LDLRAD4: variants seen among roughly 807,000 people sequenced by gnomAD.
The protein encoded by LDLRAD4 is low-density lipoprotein receptor class A domain-containing protein 4.
Under a neutral mutation model 17.0 loss-of-function variants are expected in LDLRAD4, and 5 were observed. The observed-to-expected ratio is 0.29, with a 90% CI of 0.15 to 0.62. The LOEUF (loss-of-function observed/expected upper bound fraction) is 0.62, where lower values mean the gene tolerates loss of function less well. Among genes scored for constraint, LDLRAD4 ranks in the 20% least tolerant of loss-of-function variants. The probability of loss-of-function intolerance (pLI) is 0.84; values close to 1 mark genes in which losing one functional copy is unlikely to be tolerated. For missense variants in LDLRAD4, 340 were observed against 424.7 expected (o/e 0.80, Z 1.75); for synonymous variants, 168 against 171.8 (o/e 0.98, Z 0.17).
At chr18:13,590,708 T>C (rs909707636) in intron 3 of LDLRAD4, among the ~76,000 whole-genome samples, 1 of 152,246 alleles carries the variant, frequency 6.6e-6, no homozygotes, top group Admixed American at 6.5e-5. Flanking sequence ...TGCCCTTGAC[T>C]GATTCATTCT....
At chr18:13,492,895 T>C (rs2093387972) in intron 3 of LDLRAD4, among the ~76,000 whole-genome samples, 1 of 152,124 alleles carries the variant, frequency 6.6e-6, no homozygotes, top group Non-Finnish European at 1.5e-5. Flanking sequence ...TTTGGGAGGC[T>C]GAGGTGGGAG....
chr18:13,326,182 C>T (rs545949048), intron 1 of LDLRAD4, among the ~76,000 whole-genome samples: 2 of 152,180 alleles, frequency 1.3e-5, no homozygotes, highest in African/African-American at 4.8e-5. Context: ...TGGAAAAATA[C>T]CAGCCACAGA....
chr18:13,422,760 A>G (rs1453784691), intron 2 of LDLRAD4, among the ~76,000 whole-genome samples: 2 of 152,238 alleles, frequency 1.3e-5, no homozygotes, highest in African/African-American at 4.8e-5. Flanking sequence ...CTTTCTGTTT[A>G]TCTCTCTGCA....
intron 1 of LDLRAD4, among the ~76,000 whole-genome samples, chr18:13,244,152 T>C: frequency 1.3e-5 from 1 of 74,098 alleles, no homozygotes; most frequent in African/African-American, 6.1e-5. Flanking sequence ...ACCCATTCTT[T>C]CCTCTATCCA....
chr18:13,540,107 A>G (rs1171309161), intron 3 of LDLRAD4, among the ~76,000 whole-genome samples: 1 of 152,246 alleles, frequency 6.6e-6, no homozygotes, highest in African/African-American at 2.4e-5. Flanking sequence ...TTACGCAGCC[A>G]GATGCCAGGG....
At chr18:13,233,439 C>T (rs915662424) in intron 1 of LDLRAD4, among the ~76,000 whole-genome samples, 5 of 152,182 alleles carry the variant, frequency 3.3e-5, no homozygotes, top group Admixed American at 1.3e-4. Context: ...AAGCCGGCAC[C>T]CTCTTATTGG....
At chr18:13,280,712 A>G (rs758936309) in intron 1 of LDLRAD4, among the ~76,000 whole-genome samples, 6 of 152,252 alleles carry the variant, frequency 3.9e-5, no homozygotes, top group African/African-American at 1.2e-4. Flanking sequence ...GCTGGCTGTC[A>G]GCACAGACTG....
chr18:13,236,469 C>T (rs1416924745), intron 1 of LDLRAD4: 1 of 152,112 alleles, frequency 6.6e-6, no homozygotes, highest in African/African-American at 2.4e-5. Flanking sequence ...ACCACCACCC[C>T]AGGCTAAGTT....
intron 1 of LDLRAD4, among the ~76,000 whole-genome samples, chr18:13,267,937 C>T (rs1428110673): frequency 6.6e-6 from 1 of 152,160 alleles, no homozygotes; most frequent in Non-Finnish European, 1.5e-5. Context: ...CTATGTTGCC[C>T]AGGCTAGACT....
At chr18:13,258,942 G>T (rs1434484640) in intron 1 of LDLRAD4, among the ~76,000 whole-genome samples, 1 of 152,176 alleles carries the variant, frequency 6.6e-6, no homozygotes, top group Non-Finnish European at 1.5e-5. Context: ...AAGTGCTGCT[G>T]CTGTGTACAA....
intron 1 of LDLRAD4, among the ~76,000 whole-genome samples, chr18:13,332,872 G>A (rs958933200): frequency 1.3e-5 from 2 of 151,972 alleles, no homozygotes; most frequent in African/African-American, 4.8e-5. Flanking sequence ...GCTGCTATAA[G>A]TGTCCGTAAG....
At chr18:13,536,326 G>T (rs62084763) in intron 3 of LDLRAD4, among the ~76,000 whole-genome samples, 12,996 of 152,124 alleles carry the variant, frequency 0.085, 576 homozygotes, top group East Asian at 0.14. Context: ...ATAATTTTCA[G>T]TGTACAGGCC....
intron 3 of LDLRAD4, among the ~76,000 whole-genome samples, chr18:13,463,444 C>G (rs1005426153): frequency 6.6e-6 from 1 of 152,172 alleles, no homozygotes; most frequent in African/African-American, 2.4e-5. Flanking sequence ...CCTTCGTTGC[C>G]CTAAGTTAAC....
chr18:13,392,793 A>G (rs1399032348), intron 2 of LDLRAD4, among the ~76,000 whole-genome samples: 1 of 152,256 alleles, frequency 6.6e-6, no homozygotes, highest in Non-Finnish European at 1.5e-5. Context: ...AGGTAAGTGA[A>G]TCAAATTCCT....
intron 3 of LDLRAD4, among the ~76,000 whole-genome samples, chr18:13,494,659 C>CAGAGTT (rs1216448578): frequency 1.7e-5 from 1 of 58,414 alleles, no homozygotes; most frequent in African/African-American, 5.4e-5. Flanking sequence ...AGCCTGGAGA[C>CAGAGTT]AGACATATTT....
rs187476181 is a variant in LDLRAD4 at position 13,330,095 on chromosome 18, A to C, written c.-383+51907A>C. On this transcript the variant is annotated intron_variant, in intron 1 of 5. Transcript: ENST00000359446. ...CTCAGCCTCCTGAGTAGCTGGGACT[A>C]CAGGCGCCTGCCACCACGCCCGGCT... Among the ~76,000 whole-genome samples the C allele has an allele frequency of 4.2e-3, 633 of 152,058 alleles. 3 individuals are homozygous for C. The highest frequency in any genetic ancestry group is 0.01 in the South Asian group (49 of 4,818).
chr18:13,642,459 T>A, intron 4 of LDLRAD4: 1 of 1,194,500 alleles, frequency 8.4e-7, no homozygotes, highest in Non-Finnish European at 1.0e-6. Flanking sequence ...GTGGCTGGCC[T>A]GTCACCTTGT....
intron 3 of LDLRAD4, among the ~76,000 whole-genome samples, chr18:13,509,084 C>T (rs1037457068): frequency 3.3e-5 from 5 of 152,294 alleles, no homozygotes; most frequent in East Asian, 3.9e-4. Flanking sequence ...TGGAGGATCA[C>T]CTGAGCCCAG....
chr18:13,260,067 G>T (rs1480004978), intron 1 of LDLRAD4, among the ~76,000 whole-genome samples: 11 of 152,278 alleles, frequency 7.2e-5, no homozygotes. Flanking sequence ...ATAGCAGGTA[G>T]ATTTTGTAGG....
Sources: gnomAD v4.1 joint callset for allele counts (sites outside exome capture counted in the v4.1 genomes callset) on GRCh38, gnomAD v4.1.1 for gene constraint, MANE v1.5 for transcripts, NCBI Gene and HGNC (gene_info 2026-07-23, HGNC 2026-07-21) for gene names.